The following MYO3B variants were observed in gnomAD, a reference collection of about 807,000 sequenced individuals.
The protein encoded by MYO3B is myosin IIIB.
MYO3B carries 156 observed loss-of-function variants against 174.6 expected under a neutral mutation model. The ratio of observed to expected loss-of-function variants is 0.89; its 90% CI spans 0.78 to 1.02. The LOEUF (loss-of-function observed/expected upper bound fraction) is 1.02, where lower values mean the gene tolerates loss of function less well. Among genes scored for constraint, MYO3B ranks in the 50% least tolerant of loss-of-function variants. MYO3B has a pLI of 0.00. For missense variants in MYO3B, 1,632 were observed against 1,639.4 expected (o/e 1.00, Z 0.08); for synonymous variants, 563 against 569.1 (o/e 0.99, Z 0.15).
intron 32 of MYO3B, among the ~76,000 whole-genome samples, chr2:170,574,100 A>G (rs753722212): frequency 6.6e-6 from 1 of 152,196 alleles, no homozygotes; most frequent in Non-Finnish European, 1.5e-5. Flanking sequence ...ACCCTGAAGC[A>G]CTTAATAGAA....
At chr2:170,490,242 A>C (rs1027633262) in intron 25 of MYO3B, among the ~76,000 whole-genome samples, 3 of 151,942 alleles carry the variant, frequency 2.0e-5, no homozygotes, top group African/African-American at 7.3e-5. Flanking sequence ...GTTAGCCAGG[A>C]TGGTCTCGAT....
At chr2:170,460,852 T>C (rs1684240475) in intron 23 of MYO3B, among the ~76,000 whole-genome samples, 1 of 152,262 alleles carries the variant, frequency 6.6e-6, no homozygotes, top group Non-Finnish European at 1.5e-5. Context: ...TATTTATTTA[T>C]ATTTTATTTG....
intron 7 of MYO3B, among the ~76,000 whole-genome samples, chr2:170,298,032 A>G (rs955833632): frequency 6.6e-6 from 1 of 152,186 alleles, no homozygotes; most frequent in African/African-American, 2.4e-5. Flanking sequence ...TTTGATGAAG[A>G]CTTATATATG....
Position 170,206,135 on chromosome 2 carries a change from T to TC in MYO3B, c.321+5856dup, listed in dbSNP as rs1323936610. On this transcript the variant is annotated intron_variant, in intron 3 of 34. Transcript: ENST00000408978. The surrounding 1 kb of genome is among the most constrained non-coding windows in gnomAD (Gnocchi z 4.3). The stretch of plus-strand genomic sequence containing the variant: ...CACACATGTACCCTCACATGCACAT[T>TC]CCCCCTCATTCTTTCATGCCCCCTA... 1.3e-5 allele frequency among the ~76,000 whole-genome samples: 2 copies of TC among 151,912 alleles called. No homozygotes were observed. The highest frequency in any genetic ancestry group is 6.6e-5 in the Admixed American group (1 of 15,232).
intron 22 of MYO3B, among the ~76,000 whole-genome samples, chr2:170,409,018 C>T (rs1426609084): frequency 6.6e-6 from 1 of 152,140 alleles, no homozygotes; most frequent in Admixed American, 6.5e-5. Flanking sequence ...GATGTAGACT[C>T]CTCATCAGGC....
chr2:170,566,310 G>T (rs889184690), intron 32 of MYO3B, among the ~76,000 whole-genome samples: 1 of 152,206 alleles, frequency 6.6e-6, no homozygotes, highest in African/African-American at 2.4e-5. Flanking sequence ...CGGGTTGAAA[G>T]TGCAGTGTAA....
intron 6 of MYO3B, among the ~76,000 whole-genome samples, chr2:170,233,544 A>G (rs2093036022): frequency 6.6e-6 from 1 of 152,216 alleles, no homozygotes; most frequent in Non-Finnish European, 1.5e-5. Context: ...CTTTGGGGGC[A>G]ATGAAATGGC....
At chr2:170,627,023 G>A (rs968051414) in intron 32 of MYO3B, among the ~76,000 whole-genome samples, 4 of 151,858 alleles carry the variant, frequency 2.6e-5, no homozygotes, top group Non-Finnish European at 4.4e-5. Flanking sequence ...ACAATTATGT[G>A]TCTTGGAGTT....
intron 30 of MYO3B, among the ~76,000 whole-genome samples, chr2:170,542,060 G>A (rs1428856708): frequency 6.6e-6 from 1 of 151,944 alleles, no homozygotes. Context: ...AGGAAAACTA[G>A]GACCCCGAAT....
At chr2:170,484,546 G>T (rs1685902219) in intron 25 of MYO3B, among the ~76,000 whole-genome samples, 1 of 152,122 alleles carries the variant, frequency 6.6e-6, no homozygotes, top group Non-Finnish European at 1.5e-5. Context: ...TTATGAGGAG[G>T]CAGCAGTAGC....
At chr2:170,538,629 A>T (rs1478172407) in intron 30 of MYO3B, among the ~76,000 whole-genome samples, 1 of 152,128 alleles carries the variant, frequency 6.6e-6, no homozygotes, top group African/African-American at 2.4e-5. Context: ...AAGGAATTAG[A>T]TGTGAGTTTT....
intron 25 of MYO3B, among the ~76,000 whole-genome samples, chr2:170,469,011 T>G (rs1041878153): frequency 6.6e-6 from 1 of 152,004 alleles, no homozygotes; most frequent in Admixed American, 6.6e-5. Flanking sequence ...AAAAATTAGC[T>G]GGGTGTGGTG....
intron 7 of MYO3B, among the ~76,000 whole-genome samples, chr2:170,284,365 C>A (rs2093538191): frequency 6.6e-6 from 1 of 152,054 alleles, no homozygotes; most frequent in African/African-American, 2.4e-5. Flanking sequence ...AATGTTTTGA[C>A]CTACCAAAAG....
chr2:170,515,321 G>A (rs561085273), intron 29 of MYO3B, among the ~76,000 whole-genome samples: 2 of 152,258 alleles, frequency 1.3e-5, no homozygotes, highest in Admixed American at 6.5e-5. Context: ...CAATGGCTTC[G>A]CCTTAACCTG....
At chr2:170,633,891 T>G (rs1697238737) in intron 32 of MYO3B, among the ~76,000 whole-genome samples, 1 of 152,046 alleles carries the variant, frequency 6.6e-6, no homozygotes, top group Non-Finnish European at 1.5e-5. Flanking sequence ...ATAAAATACC[T>G]CGGAATGCAA....
Position 170,448,696 on chromosome 2 carries a change from T to G in MYO3B, c.2730+4650T>G, listed in dbSNP as rs376898710. 7.0e-4 allele frequency among the ~76,000 whole-genome samples: 107 copies of G among 152,340 alleles called. No homozygotes were observed. The South Asian group carries it at 0.022, about 31-fold the overall frequency. ...AAAAGTAAAGATTTGAAAGCATTAG[T>G]TTGGGGACTTGTAGCTCACAGATAA... On this transcript the variant is annotated intron_variant, in intron 23 of 34. Coordinates refer to ENST00000408978, the MANE Select transcript of MYO3B (RefSeq NM_138995.5).
intron 32 of MYO3B, among the ~76,000 whole-genome samples, chr2:170,649,234 AAT>A (rs1281386734): frequency 1.4e-5 from 1 of 69,968 alleles, no homozygotes; most frequent in Non-Finnish European, 2.3e-5. Context: ...TATATAAAAT[AAT>A]ATATATTATA....
At chr2:170,251,954 A>C (rs374984929) in intron 7 of MYO3B, among the ~76,000 whole-genome samples, 1 of 152,212 alleles carries the variant, frequency 6.6e-6, no homozygotes, top group African/African-American at 2.4e-5. Flanking sequence ...CCATGGCTGG[A>C]TCTCATACAT....
At chr2:170,624,961 G>T (rs1013944205) in intron 32 of MYO3B, among the ~76,000 whole-genome samples, 1 of 152,104 alleles carries the variant, frequency 6.6e-6, no homozygotes, top group Admixed American at 6.5e-5. Context: ...TGCTGGATTC[G>T]GTTTGCCAGT....
Sources: gnomAD v4.1 joint callset for allele counts (sites outside exome capture counted in the v4.1 genomes callset) on GRCh38, gnomAD v4.1.1 for gene constraint, Gnocchi (gnomAD v3.1) non-coding constraint, MANE v1.5 for transcripts, NCBI Gene and HGNC (gene_info 2026-07-23, HGNC 2026-07-21) for gene names.